Variants in DISP1 observed in about 807,000 individuals in gnomAD.
DISP1 encodes protein dispatched homolog 1.
Under a neutral mutation model 37.3 loss-of-function variants are expected in DISP1, and 30 were observed. The ratio of observed to expected loss-of-function variants is 0.80; its 90% confidence interval spans 0.60 to 1.09. The LOEUF (loss-of-function observed/expected upper bound fraction) is 1.09. DISP1 is among the 50% of genes least tolerant of loss of function. DISP1 has a pLI of 0.00. For missense variants in DISP1, 1,598 were observed against 1,879.5 expected (o/e 0.85, Z 2.77); for synonymous variants, 634 against 690.2 (o/e 0.92, Z 1.28).
At chr1:222,819,756 G>T (rs1662321934) in intron 1 of DISP1, among the ~76,000 whole-genome samples, 1 of 151,906 alleles carries the variant, frequency 6.6e-6, no homozygotes, top group South Asian at 2.1e-4. Flanking sequence ...GGCCTGGCTG[G>T]TCTTGAACTC....
chr1:222,991,380 C>T, intron 5 of DISP1, 140 bp from the exon 6 acceptor site: 1 of 987,608 alleles, frequency 1.0e-6, no homozygotes, highest in Non-Finnish European at 1.6e-6. Flanking sequence ...ATGCAGTCAC[C>T]TCTGGAGTAG....
intron 1 of DISP1, among the ~76,000 whole-genome samples, chr1:222,887,493 T>G (rs201378121): frequency 5.9e-5 from 6 of 102,158 alleles, no homozygotes; most frequent in African/African-American, 1.1e-4. Context: ...TTTGTTTTTT[T>G]TTTTTTTTTT....
At position 222,893,445 on chromosome 1, in the gene DISP1, C is replaced by T. The variant is rs1251619680; in HGVS notation, c.-158-34985C>T. Among the ~76,000 whole-genome samples the T allele has an allele frequency of 2.0e-5, 3 of 152,200 alleles. No homozygotes were observed. The highest frequency in any genetic ancestry group is 7.2e-5 in the African/African-American group (3 of 41,450). ...CTGTGCTTGGCTCATGCTACCGGCC[C>T]GGATCCCACACCTGCCAAAGGCAAG... On this transcript the variant is annotated intron_variant, in intron 1 of 8. Transcript: ENST00000675850. The surrounding 1 kb of genome is among the most constrained non-coding windows in gnomAD (Gnocchi z 4.3).
intron 1 of DISP1, among the ~76,000 whole-genome samples, chr1:222,829,336 A>G (rs1032095538): frequency 6.6e-6 from 1 of 152,234 alleles, no homozygotes; most frequent in Non-Finnish European, 1.5e-5. Flanking sequence ...TGAAAATGCC[A>G]AAACATCTTT....
intron 1 of DISP1, among the ~76,000 whole-genome samples, chr1:222,835,757 G>C (rs1179578698): frequency 1.3e-5 from 2 of 151,954 alleles, no homozygotes; most frequent in Non-Finnish European, 2.9e-5. Context: ...TTCAAGACCA[G>C]CCTGGCCAAC....
chr1:222,977,151 T>A (rs1173578304), intron 3 of DISP1, among the ~76,000 whole-genome samples: 2 of 152,210 alleles, frequency 1.3e-5, no homozygotes, highest in African/African-American at 4.8e-5. Context: ...TGCCTCAGCC[T>A]CCTGAGTAGC....
At chr1:222,859,687 GA>G (rs1453107474) in intron 1 of DISP1, among the ~76,000 whole-genome samples, 2 of 152,162 alleles carry the variant, frequency 1.3e-5, no homozygotes, top group Non-Finnish European at 2.9e-5. Context: ...AAAAGACTAA[GA>G]GATAGAAAAT....
intron 1 of DISP1, among the ~76,000 whole-genome samples, chr1:222,865,533 C>T (rs1295708615): frequency 2.6e-5 from 4 of 152,124 alleles, no homozygotes; most frequent in Non-Finnish European, 5.9e-5. Flanking sequence ...AGCTGAAATG[C>T]TGCAATTTAT....
chr1:222,918,571 A>G (rs1478884344), intron 1 of DISP1, among the ~76,000 whole-genome samples: 2 of 152,186 alleles, frequency 1.3e-5, no homozygotes, highest in African/African-American at 4.8e-5. Flanking sequence ...GTACAACTAC[A>G]TGGGAAGTTT....
chr1:222,989,548 C>T (rs886478155), intron 4 of DISP1: 20 of 985,134 alleles, frequency 2.0e-5, no homozygotes, highest in Middle Eastern at 5.2e-4. Context: ...GTGTGGGAAG[C>T]GCATCTGGAA....
intron 3 of DISP1, among the ~76,000 whole-genome samples, chr1:222,967,359 T>C (rs576510211): frequency 1.1e-4 from 16 of 152,274 alleles, no homozygotes; most frequent in East Asian, 1.9e-4. Flanking sequence ...GTATCTTTGA[T>C]TTCTTACTGT....
intron 2 of DISP1, among the ~76,000 whole-genome samples, chr1:222,935,577 A>T (rs1362111775): frequency 2.0e-5 from 3 of 152,138 alleles, no homozygotes; most frequent in Non-Finnish European, 2.9e-5. Flanking sequence ...CTCAAGTGAG[A>T]TCATTTGTGA....
intron 1 of DISP1, among the ~76,000 whole-genome samples, chr1:222,861,028 G>A (rs944544460): frequency 5.3e-5 from 8 of 152,060 alleles, no homozygotes; most frequent in Non-Finnish European, 1.2e-4. Flanking sequence ...ATGGCACCAG[G>A]CCACATCATT....
intron 2 of DISP1, among the ~76,000 whole-genome samples, chr1:222,941,798 T>C (rs2125490275): frequency 6.6e-6 from 1 of 152,324 alleles, no homozygotes; most frequent in African/African-American, 2.4e-5. Flanking sequence ...ACAAGCCGTT[T>C]TGTCTACTTA....
At position 223,005,135 on chromosome 1, in the gene DISP1, C is replaced by T. The variant is rs72744122; in HGVS notation, c.3738C>T (p.Asp1246=). 30,674 of 1,614,160 alleles carry T rather than the reference C, an allele frequency of 0.019. 646 individuals are homozygous for T. Among genetic ancestry groups the T allele is most frequent in the South Asian group, 0.082 (7,446 of 91,080 alleles). The change falls in exon 9 of 9, where the codon GAC becomes GAT. Residue 1246 remains aspartate (D), a synonymous_variant. Transcript: ENST00000675850. The part of the protein sequence containing the change: ...NSELSKSTES[D]AGSALLQPPL... ...AACTCAGCAAAAGCACTGAAAGTGACGCTGGCTCTGCCTTGTTACAGCCCC... is the reference window on the plus strand; with the variant it reads ...AACTCAGCAAAAGCACTGAAAGTGATGCTGGCTCTGCCTTGTTACAGCCCC...
At position 222,928,551 on chromosome 1, in the gene DISP1, T is replaced by C. The variant is rs1244786313; in HGVS notation, c.-37T>C. 1.3e-5 allele frequency: 2 copies of C among 152,358 alleles called. No homozygotes were observed. The highest frequency in any genetic ancestry group is 4.8e-5 in the African/African-American group (2 of 41,578). The allele number at this position is 152,358 out of a possible 1,614,324, so 9.4% of individuals were successfully genotyped here. ...TTTGCACCAAACTGAGCCAGAGAAG[T>C]TCCCTCTTTTAACATAAAGGTAATA... On this transcript the variant is annotated 5_prime_UTR_variant, in exon 2 of 9. Coordinates refer to ENST00000675850, the MANE Select transcript of DISP1 (RefSeq NM_001377229.1).
intron 1 of DISP1, among the ~76,000 whole-genome samples, chr1:222,907,459 G>A (rs1054035407): frequency 3.3e-5 from 5 of 152,132 alleles, no homozygotes; most frequent in South Asian, 2.1e-4. Context: ...GGAATTTCCC[G>A]GTGAGGAGTG....
At chr1:222,899,114 T>C (rs182948214) in intron 1 of DISP1, among the ~76,000 whole-genome samples, 63 of 152,242 alleles carry the variant, frequency 4.1e-4, no homozygotes, top group African/African-American at 1.5e-3. Flanking sequence ...ATGAATATAG[T>C]CCTTTACCTT....
intron 1 of DISP1, among the ~76,000 whole-genome samples, chr1:222,817,103 T>C (rs988437703): frequency 6.6e-6 from 1 of 152,232 alleles, no homozygotes; most frequent in African/African-American, 2.4e-5. Flanking sequence ...TGCCCTGTAT[T>C]CCGGAAAATC....
Sources: allele counts gnomAD v4.1 joint callset (sites outside exome capture counted in the v4.1 genomes callset), GRCh38; gene constraint gnomAD v4.1.1; non-coding constraint Gnocchi (gnomAD v3.1); transcripts MANE v1.5; gene names NCBI Gene and HGNC (gene_info 2026-07-23, HGNC 2026-07-21).